Variants in PC observed in about 807,000 individuals in gnomAD.
PC encodes the protein pyruvate carboxylase, mitochondrial.
Under a neutral mutation model 107.8 loss-of-function variants are expected in PC, and 46 were observed. The ratio of observed to expected loss-of-function variants is 0.43; its 90% confidence interval spans 0.34 to 0.55. PC has a LOEUF of 0.55. PC is among the 20% of genes least tolerant of loss of function. The pLI is 0.04. For synonymous variants in PC, 662 were observed against 684.7 expected (o/e 0.97, Z 0.52); for missense variants, 1,241 against 1,643.1 (o/e 0.76, Z 4.23).
intron 11 of PC, among the ~76,000 whole-genome samples, chr11:66,864,614 G>A (rs571307463): frequency 5.9e-5 from 9 of 152,344 alleles, no homozygotes; most frequent in African/African-American, 1.9e-4. Context: ...AGGAAATGAA[G>A]GGAAAGTGCC....
At chr11:66,924,450 G>A (rs1185584723) in intron 3 of PC, among the ~76,000 whole-genome samples, 1 of 147,718 alleles carries the variant, frequency 6.8e-6, no homozygotes, top group Non-Finnish European at 1.5e-5. Context: ...AAGGAAAAAA[G>A]TTAGAAATTA....
At chr11:66,894,513 G>A (rs1264121599) in intron 3 of PC, among the ~76,000 whole-genome samples, 1 of 152,234 alleles carries the variant, frequency 6.6e-6, no homozygotes, top group East Asian at 1.9e-4. Context: ...GGGCAGAACA[G>A]GAGAGGAGAC....
chr11:66,882,057 A>T (rs1248334743), intron 3 of PC, among the ~76,000 whole-genome samples: 1 of 152,218 alleles, frequency 6.6e-6, no homozygotes, highest in Admixed American at 6.5e-5. Flanking sequence ...AGAGCTGACG[A>T]ACAATGTCAG....
intron 3 of PC, among the ~76,000 whole-genome samples, chr11:66,882,667 C>T (rs1947225299): frequency 6.6e-6 from 1 of 152,266 alleles, no homozygotes; most frequent in Admixed American, 6.5e-5. Context: ...CCCAGCTGGG[C>T]TCCACAGCTG....
intron 12 of PC, chr11:66,860,087 G>A (rs1946157312): frequency 1.9e-6 from 3 of 1,555,098 alleles, no homozygotes; most frequent in African/African-American, 1.4e-5. Flanking sequence ...CCAGGCGCCT[G>A]GGAGGAGCTT....
At chr11:66,918,573 A>G (rs1591281376) in intron 3 of PC, among the ~76,000 whole-genome samples, 2 of 151,428 alleles carry the variant, frequency 1.3e-5, no homozygotes, top group South Asian at 4.2e-4. Context: ...GGGTTTCACC[A>G]TGTTGGCCAG....
chr11:66,873,515 ATATTATATAT>A (rs1946854638), intron 3 of PC, among the ~76,000 whole-genome samples: 1 of 1,802 alleles, frequency 5.5e-4, no homozygotes, highest in African/African-American at 8.5e-4. Context: ...ATTATATATT[ATATTATATAT>A]TATAATATAT....
intron 3 of PC, among the ~76,000 whole-genome samples, chr11:66,904,128 G>A (rs1046185615): frequency 1.9e-4 from 29 of 152,086 alleles, no homozygotes; most frequent in African/African-American, 7.0e-4. Context: ...TTTGACAGAA[G>A]CTTTTACACA....
At chr11:66,862,747 G>GGCTCTT (rs1202301914) in intron 12 of PC, among the ~76,000 whole-genome samples, 1 of 152,192 alleles carries the variant, frequency 6.6e-6, no homozygotes, top group Admixed American at 6.5e-5. Flanking sequence ...CCCAGCAAAG[G>GGCTCTT]GCTCTTTAGA....
rs923731755 is a variant in PC, at chr11:66,852,743, C to A, written c.1603+4G>T. 1 of 1,610,332 alleles carries A rather than the reference C, an allele frequency of 6.2e-7. No individual in the cohort carries two copies. The highest frequency in any genetic ancestry group is 2.2e-5 in the East Asian group (1 of 44,792). ...CATGAGTTGACAGAATGGATCTCAC[C>A]TACCTATGGGCACTGCAGGGACAAC... On this transcript the variant is annotated splice_donor_region_variant and intron_variant, in intron 14 of 22. Transcript: ENST00000393960. The surrounding 1 kb of genome is among the most constrained non-coding windows in gnomAD (Gnocchi z 4.7).
At chr11:66,911,986 T>A (rs1303238143) in intron 3 of PC, among the ~76,000 whole-genome samples, 2 of 146,102 alleles carry the variant, frequency 1.4e-5, no homozygotes, top group Non-Finnish European at 3.0e-5. Context: ...TGAGCCAAAA[T>A]CGCGCCATTG....
At chr11:66,886,165 G>T (rs1034065311) in intron 3 of PC, among the ~76,000 whole-genome samples, 1 of 151,862 alleles carries the variant, frequency 6.6e-6, no homozygotes, top group Admixed American at 6.6e-5. Context: ...ACTCCAGGGT[G>T]GGAGGAGGAA....
chr11:66,887,654 C>T (rs1011814152), intron 3 of PC, among the ~76,000 whole-genome samples: 8 of 152,192 alleles, frequency 5.3e-5, no homozygotes, highest in Non-Finnish European at 7.3e-5. Context: ...CTGGGACTCC[C>T]GGAAGGGGAG....
chr11:66,912,764 G>A (rs1444524055), intron 3 of PC, among the ~76,000 whole-genome samples: 1 of 152,206 alleles, frequency 6.6e-6, no homozygotes, highest in Non-Finnish European at 1.5e-5. Flanking sequence ...GAAGCAGCAA[G>A]GGAAGAGGAC....
At chr11:66,891,308 C>T (rs1947565039) in intron 3 of PC, among the ~76,000 whole-genome samples, 1 of 152,038 alleles carries the variant, frequency 6.6e-6, no homozygotes, top group African/African-American at 2.4e-5. Context: ...GATCTGCCCA[C>T]CTTGGCCTCC....
At position 66,870,526 on chromosome 11, in the gene PC, C is replaced by A; in HGVS notation, c.752-73G>T. 2 of 1,541,504 alleles carry A rather than the reference C, an allele frequency of 1.3e-6. No individual in the cohort carries two copies. The highest frequency in any genetic ancestry group is 1.8e-6 in the Non-Finnish European group (2 of 1,127,666). On this transcript the variant is annotated intron_variant, in intron 8 of 22. Transcript: ENST00000393960. This position sits in a 1 kb window ranked among gnomAD's most constrained non-coding sequence, Gnocchi z 6.1. ...CCTCCTAAATGCCCCATCACCCCCA[C>A]ATAACCACTGTCGCCAGTCAGTGCC...
chr11:66,918,857 CAGG>C (rs1296251957), intron 3 of PC, among the ~76,000 whole-genome samples: 1 of 152,098 alleles, frequency 6.6e-6, no homozygotes, highest in Non-Finnish European at 1.5e-5. Context: ...GAAGAAGGCC[CAGG>C]AGGAGGGAGC....
intron 3 of PC, among the ~76,000 whole-genome samples, chr11:66,919,204 C>T (rs1948535693): frequency 6.6e-6 from 1 of 152,232 alleles, no homozygotes; most frequent in Non-Finnish European, 1.5e-5. Context: ...TCACTTGAGG[C>T]CAGGAGTTCC....
rs1428837164 is a variant in PC at position 66,858,737 on chromosome 11, C to T, written c.1368+5037G>A. 2.6e-6 allele frequency: 4 copies of T among 1,553,752 alleles called. No homozygotes were observed. The highest frequency in any genetic ancestry group is 3.5e-6 in the Non-Finnish European group (4 of 1,148,350). On this transcript the variant is annotated intron_variant, in intron 12 of 22. Transcript: ENST00000393960. The surrounding 1 kb of genome is among the most constrained non-coding windows in gnomAD (Gnocchi z 5.9). The stretch of plus-strand genomic sequence containing the variant: ...GCAACTCCTCCCGAGCCCGGGCTTT[C>T]CCCAACGGGACCTTAGAGATTGGGG...
Sources: allele counts gnomAD v4.1 joint callset (sites outside exome capture counted in the v4.1 genomes callset), GRCh38; gene constraint gnomAD v4.1.1; non-coding constraint Gnocchi (gnomAD v3.1); transcripts MANE v1.5; gene names NCBI Gene and HGNC (gene_info 2026-07-23, HGNC 2026-07-21).